The following ADGRG7 variants were observed in gnomAD, a reference collection of about 807,000 sequenced individuals.
ADGRG7 encodes the protein adhesion G protein-coupled receptor G7.
A neutral mutation model predicts 88.6 loss-of-function variants in ADGRG7; 82 were observed. The ratio of observed to expected loss-of-function variants is 0.93; its 90% CI spans 0.77 to 1.11. The LOEUF is 1.11. Ranked by LOEUF, ADGRG7 falls within the 50% of genes most tolerant of loss-of-function variation. ADGRG7 has a pLI of 0.00. For synonymous variants in ADGRG7, 381 were observed against 345.2 expected, an observed-to-expected ratio of 1.10 and a Z score of -1.15; for missense variants, 945 against 953.4, an observed-to-expected ratio of 0.99 and a Z score of 0.12.
At chr3:100,617,527 T>C (rs1312720529) in intron 1 of ADGRG7, among the ~76,000 whole-genome samples, 1 of 152,146 alleles carries the variant, frequency 6.6e-6, no homozygotes, top group Non-Finnish European at 1.5e-5. Flanking sequence ...GCTTCATCCA[T>C]GTCCCTACAA....
At chr3:100,635,602 T>C in intron 4 of ADGRG7, 75 bp from the exon 5 acceptor site, 1 of 1,550,596 alleles carries the variant, frequency 6.4e-7, no homozygotes, top group African/African-American at 1.4e-5. Flanking sequence ...TCCAGCTTAT[T>C]TACCTGCAGT....
chr3:100,636,132 A>G (rs1707536757), intron 5 of ADGRG7, among the ~76,000 whole-genome samples: 1 of 152,178 alleles, frequency 6.6e-6, no homozygotes, highest in Non-Finnish European at 1.5e-5. Context: ...TTAAGTCACT[A>G]CAACCTCTGC....
At chr3:100,635,490 A>C in intron 4 of ADGRG7, 187 bp from the exon 5 acceptor site, 1 of 1,331,870 alleles carries the variant, frequency 7.5e-7, no homozygotes. Context: ...AAAGGCTGGC[A>C]AAACCACTGG....
At chr3:100,620,379 C>A (rs1576312228) in intron 1 of ADGRG7, among the ~76,000 whole-genome samples, 1 of 152,144 alleles carries the variant, frequency 6.6e-6, no homozygotes, top group Non-Finnish European at 1.5e-5. Context: ...TAAAAACTCT[C>A]AATAAATTAG....
rs376390799 is a variant in ADGRG7, at chr3:100,655,883, T to C, written c.1727-16T>C. The C allele has an allele frequency of 8.6e-5, 118 of 1,371,940 alleles. No individual in the cohort carries two copies. The highest frequency in any genetic ancestry group is 1.2e-4 in the Non-Finnish European group (113 of 961,848). The allele number at this position is 1,371,940 out of a possible 1,614,324, so 85.0% of individuals were successfully genotyped here. On this transcript the variant is annotated splice_polypyrimidine_tract_variant and intron_variant, in intron 12 of 15. Coordinates refer to ENST00000273352, the MANE Select transcript of ADGRG7 (RefSeq NM_032787.3). ...CTGGATAAATCATTAATTATGTGCCTCTCTTTATCACATAGGAGTCCCAGC... is the reference window on the plus strand; with the variant it reads ...CTGGATAAATCATTAATTATGTGCCCCTCTTTATCACATAGGAGTCCCAGC...
At chr3:100,691,600 C>T (rs2094993876) in intron 15 of ADGRG7, among the ~76,000 whole-genome samples, 1 of 151,746 alleles carries the variant, frequency 6.6e-6, no homozygotes, top group African/African-American at 2.4e-5. Context: ...ATGGAGAATT[C>T]CCATGTACAC....
chr3:100,639,475 C>G (rs1296945470), intron 6 of ADGRG7, among the ~76,000 whole-genome samples: 1 of 152,154 alleles, frequency 6.6e-6, no homozygotes. Context: ...GTTGAGTGAA[C>G]AGTTTTACTG....
rs1049216077 is a variant in ADGRG7 at position 100,646,808 on chromosome 3, G to T, written c.1266+84G>T. ...GTAGGTGCTCCTTGGAGATAACTTT[G>T]GGATTTAATTTACATAGATTCTCAA... On this transcript the variant is annotated intron_variant, in intron 10 of 15. Coordinates refer to ENST00000273352, the MANE Select transcript of ADGRG7 (RefSeq NM_032787.3). 4 of 1,134,384 alleles carry T rather than the reference G, an allele frequency of 3.5e-6. No individual in the cohort carries two copies. The African/African-American group carries it at 6.3e-5, about 18-fold the overall frequency. The allele number at this position is 1,134,384 out of a possible 1,614,324, so 70.3% of individuals were successfully genotyped here.
At chr3:100,658,415 G>GT (rs1480519834) in intron 13 of ADGRG7, among the ~76,000 whole-genome samples, 2 of 152,142 alleles carry the variant, frequency 1.3e-5, no homozygotes, top group Non-Finnish European at 2.9e-5. Flanking sequence ...CTGGATTAAT[G>GT]TTTTTAAAAC....
chr3:100,648,406 C>T (rs186072033), intron 10 of ADGRG7, among the ~76,000 whole-genome samples: 1 of 152,206 alleles, frequency 6.6e-6, no homozygotes, highest in East Asian at 1.9e-4. Flanking sequence ...CTACTTAGTA[C>T]ACTACGTATA....
At chr3:100,685,772 C>T (rs909836942) in intron 15 of ADGRG7, among the ~76,000 whole-genome samples, 20 of 152,290 alleles carry the variant, frequency 1.3e-4, no homozygotes, top group Non-Finnish European at 2.6e-4. Context: ...TCCAGTCTAT[C>T]ATTGTTGGAC....
rs1384887221 is a variant in ADGRG7 at position 100,609,837 on chromosome 3, A to G, written c.-20A>G. The G allele has an allele frequency of 6.3e-7, 1 of 1,586,122 alleles. No individual in the cohort carries two copies. The highest frequency in any genetic ancestry group is 8.7e-7 in the Non-Finnish European group (1 of 1,155,058). On this transcript the variant is annotated 5_prime_UTR_variant, in exon 1 of 16. Coordinates refer to ENST00000273352, the MANE Select transcript of ADGRG7 (RefSeq NM_032787.3). ...CTAGTTATTTCTCACCCAGGAGTGG[A>G]TTTGTGGTTTGGCTTCACCATGGCT...
chr3:100,682,647 T>A (rs1221733300), intron 15 of ADGRG7, among the ~76,000 whole-genome samples: 2 of 152,130 alleles, frequency 1.3e-5, no homozygotes, highest in Non-Finnish European at 1.5e-5. Flanking sequence ...CCCTGAGTGC[T>A]GGGGCCACAA....
chr3:100,659,439 C>CAAAAAAAA (rs373835556), intron 13 of ADGRG7, among the ~76,000 whole-genome samples: 3 of 80,890 alleles, frequency 3.7e-5, no homozygotes, highest in South Asian at 6.1e-4. Context: ...GACTCAGTCT[C>CAAAAAAAA]AAAAAAAAAA....
At position 100,639,802 on chromosome 3, in the gene ADGRG7, C is replaced by T. The variant is rs565202891; in HGVS notation, c.698+2400C>T. Among the ~76,000 whole-genome samples the T allele has an allele frequency of 2.7e-3, 415 of 152,168 alleles. 2 individuals carry two copies. The highest frequency in any genetic ancestry group is 4.7e-3 in the Non-Finnish European group (321 of 67,994). The stretch of plus-strand genomic sequence containing the variant: ...TAAAAATAAATAATTATGAATTTTG[C>T]TGACTTAATATATAAAGGAAAATAC... On this transcript the variant is annotated intron_variant, in intron 6 of 15. Transcript: ENST00000273352.
intron 1 of ADGRG7, among the ~76,000 whole-genome samples, chr3:100,610,647 G>A (rs1041681049): frequency 1.3e-5 from 2 of 152,180 alleles, no homozygotes; most frequent in African/African-American, 2.4e-5. Context: ...AGAAAAGCCC[G>A]CTGGAACTCA....
At chr3:100,671,542 A>G (rs990717779) in intron 15 of ADGRG7, among the ~76,000 whole-genome samples, 1 of 152,202 alleles carries the variant, frequency 6.6e-6, no homozygotes, top group Non-Finnish European at 1.5e-5. Flanking sequence ...TTTGCTGCAC[A>G]GAAGCTCTTT....
At chr3:100,618,744 A>G (rs1356817299) in intron 1 of ADGRG7, among the ~76,000 whole-genome samples, 2 of 151,998 alleles carry the variant, frequency 1.3e-5, no homozygotes, top group African/African-American at 2.4e-5. Context: ...GTTTTTTCCA[A>G]TTCTATGAAG....
intron 1 of ADGRG7, among the ~76,000 whole-genome samples, chr3:100,619,550 C>A (rs997632031): frequency 2.0e-5 from 3 of 152,066 alleles, no homozygotes; most frequent in Non-Finnish European, 2.9e-5. Flanking sequence ...CGAGAAATAA[C>A]TAAGATCAGA....
Sources: gnomAD v4.1 joint callset for allele counts (sites outside exome capture counted in the v4.1 genomes callset) on GRCh38, gnomAD v4.1.1 for gene constraint, MANE v1.5 for transcripts, NCBI Gene and HGNC (gene_info 2026-07-23, HGNC 2026-07-21) for gene names.